MCC: variants seen among roughly 807,000 people sequenced by gnomAD.
MCC encodes the protein MCC regulator of Wnt signaling pathway, also known as colorectal mutant cancer protein.
Under a neutral mutation model 116.2 loss-of-function variants are expected in MCC, and 90 were observed. The observed-to-expected ratio is 0.77, with a 90% confidence interval of 0.65 to 0.92. MCC has a LOEUF of 0.92. Ranked by LOEUF, MCC falls within the 40% of genes least tolerant of loss-of-function variation. MCC has a pLI of 0.00. For synonymous variants in MCC, 578 were observed against 510.5 expected, an observed-to-expected ratio of 1.13 and a Z score of -1.78; for missense variants, 1,516 against 1,312.2, an observed-to-expected ratio of 1.16 and a Z score of -2.40.
At chr5:113,169,728 T>C (rs544210547) in intron 3 of MCC, among the ~76,000 whole-genome samples, 1 of 152,070 alleles carries the variant, frequency 6.6e-6, no homozygotes, top group Non-Finnish European at 1.5e-5. Context: ...TGAACTGCTG[T>C]GGGATGACCT....
chr5:113,097,581 A>G (rs554355401), intron 8 of MCC, among the ~76,000 whole-genome samples: 4 of 152,352 alleles, frequency 2.6e-5, no homozygotes, highest in Middle Eastern at 6.8e-3. Flanking sequence ...TTTTCTCTAT[A>G]TAGCCCTGTC....
chr5:113,255,667 G>A (rs1172149741), intron 3 of MCC, among the ~76,000 whole-genome samples: 1 of 152,182 alleles, frequency 6.6e-6, no homozygotes, highest in Non-Finnish European at 1.5e-5. Flanking sequence ...TTTACCTTCA[G>A]CCTTAGGAGG....
intron 3 of MCC, among the ~76,000 whole-genome samples, chr5:113,226,080 G>A (rs1763724076): frequency 6.6e-6 from 1 of 152,246 alleles, no homozygotes; most frequent in East Asian, 1.9e-4. Flanking sequence ...GGGGGCTGAG[G>A]CTGGAGAATT....
chr5:113,087,958 T>C (rs1755320002), intron 8 of MCC, among the ~76,000 whole-genome samples: 1 of 152,238 alleles, frequency 6.6e-6, no homozygotes, highest in Non-Finnish European at 1.5e-5. Context: ...AAAGTGCTTA[T>C]GTTCTTTCTT....
chr5:113,477,761 C>T lies in MCC; in HGVS notation c.170+10484G>A, dbSNP rs373364902. ...GCCCTAGTCTAAAGACTCCTCTAGT[C>T]ATGCCAAACAAAGAAAGCTTAAAGG... On this transcript the variant is annotated intron_variant, in intron 1 of 18. Transcript: ENST00000408903. Among the ~76,000 whole-genome samples the T allele has an allele frequency of 2.4e-4, 37 of 152,306 alleles. No individual in the cohort carries two copies. In the South Asian group the frequency reaches 7.3e-3, roughly 30 times the overall value.
chr5:113,228,881 G>T (rs966249876), intron 3 of MCC, among the ~76,000 whole-genome samples: 1 of 152,112 alleles, frequency 6.6e-6, no homozygotes, highest in African/African-American at 2.4e-5. Flanking sequence ...TGAAGAAGAA[G>T]AATCAAGAAA....
intron 2 of MCC, among the ~76,000 whole-genome samples, chr5:113,370,576 C>T (rs1367552911): frequency 6.6e-6 from 1 of 152,200 alleles, no homozygotes; most frequent in Non-Finnish European, 1.5e-5. Flanking sequence ...CCATCTCCTC[C>T]TCTACTGAGT....
chr5:113,465,201 GA>G (rs35831917), intron 1 of MCC, among the ~76,000 whole-genome samples: 2,975 of 126,546 alleles, frequency 0.024, 97 homozygotes, highest in African/African-American at 0.076. Context: ...GGTAGATCAA[GA>G]AAAAAAAAAA....
intron 11 of MCC, among the ~76,000 whole-genome samples, chr5:113,073,710 T>C (rs1236533278): frequency 2.6e-5 from 4 of 151,776 alleles, no homozygotes; most frequent in Non-Finnish European, 5.9e-5. Flanking sequence ...CATCTTCAGA[T>C]GCCTGCCCTG....
intron 3 of MCC, among the ~76,000 whole-genome samples, chr5:113,221,012 G>T (rs1461554066): frequency 6.6e-6 from 1 of 152,184 alleles, no homozygotes; most frequent in Non-Finnish European, 1.5e-5. Flanking sequence ...AGACCAGCCT[G>T]GGCAGCATGG....
intron 3 of MCC, among the ~76,000 whole-genome samples, chr5:113,284,948 C>T (rs935786313): frequency 6.6e-6 from 1 of 152,172 alleles, no homozygotes; most frequent in Non-Finnish European, 1.5e-5. Context: ...TCAAAACCCA[C>T]CTATATTATA....
intron 1 of MCC, among the ~76,000 whole-genome samples, chr5:113,397,582 A>T (rs921545132): frequency 6.6e-6 from 1 of 152,202 alleles, no homozygotes; most frequent in Admixed American, 6.5e-5. Flanking sequence ...AGCTTTTTCA[A>T]TGGGGAAAAG....
chr5:113,260,127 T>C (rs1471644385), intron 3 of MCC, among the ~76,000 whole-genome samples: 2 of 152,050 alleles, frequency 1.3e-5, no homozygotes, highest in Non-Finnish European at 2.9e-5. Flanking sequence ...AACTCAGCAG[T>C]ATTCAACTTT....
rs2150215594 is a variant in MCC at position 113,043,569 on chromosome 5, T to C, written c.2717A>G (p.Glu906Gly). Residue 906 changes from glutamate to glycine, a missense_variant, in exon 17 of 19, where the codon GAG becomes GGG. Coordinates refer to ENST00000408903, the MANE Select transcript of MCC (RefSeq NM_001085377.2). ...GGTGAACTCCGCAGCCAGCTCATTC[T>C]CGCTGCACGTTGTCCTGAGTTCGGC... is the stretch of plus-strand genomic sequence containing the variant. The part of the protein sequence containing the change: ...SLAELRTTCS[E>G]NELAAEFTNA... 2 of 1,614,152 alleles carry C rather than the reference T, an allele frequency of 1.2e-6. No homozygotes were observed. The highest frequency in any genetic ancestry group is 4.5e-5 in the East Asian group (2 of 44,886).
chr5:113,297,450 C>T (rs1290526493), intron 3 of MCC, among the ~76,000 whole-genome samples: 1 of 152,006 alleles, frequency 6.6e-6, no homozygotes, highest in Non-Finnish European at 1.5e-5. Flanking sequence ...CCTGTAATCC[C>T]AGCTACTCGG....
intron 3 of MCC, among the ~76,000 whole-genome samples, chr5:113,282,011 A>C (rs1216874470): frequency 6.6e-6 from 1 of 152,210 alleles, no homozygotes; most frequent in East Asian, 1.9e-4. Flanking sequence ...ACTGGCCTTC[A>C]CAACATTTAT....
Position 113,109,044 on chromosome 5 carries a change from T to C in MCC, c.1028-4689A>G, listed in dbSNP as rs111795490. On this transcript the variant is annotated intron_variant, in intron 6 of 18. Transcript: ENST00000408903. Reference sequence around the variant, plus strand: ...GTACTACGTCAAGGTACCAAGCACTTATCACCACTCACCGCCAGCATCCAC... The same window carrying C: ...GTACTACGTCAAGGTACCAAGCACTCATCACCACTCACCGCCAGCATCCAC... Among the ~76,000 whole-genome samples the C allele has an allele frequency of 2.9e-3, 448 of 152,308 alleles. 2 individuals carry two copies. The highest frequency in any genetic ancestry group is 0.01 in the African/African-American group (432 of 41,554).
intron 2 of MCC, among the ~76,000 whole-genome samples, chr5:113,367,029 A>G (rs995288473): frequency 1.3e-5 from 2 of 152,054 alleles, no homozygotes; most frequent in African/African-American, 2.4e-5. Context: ...TCTCGAAATC[A>G]TGGGCTCAAG....
chr5:113,265,866 G>T (rs977582105), intron 3 of MCC, among the ~76,000 whole-genome samples: 40 of 152,212 alleles, frequency 2.6e-4, no homozygotes, highest in African/African-American at 8.7e-4. Flanking sequence ...ACGTCTAAGT[G>T]TAACAGTGTA....
Sources: gnomAD v4.1 joint callset for allele counts (sites outside exome capture counted in the v4.1 genomes callset) on GRCh38, gnomAD v4.1.1 for gene constraint, MANE v1.5 for transcripts, NCBI Gene and HGNC (gene_info 2026-07-23, HGNC 2026-07-21) for gene names.